The following LOC128462377 variants were observed in gnomAD, a reference collection of about 807,000 sequenced individuals.
At chr16:89,351,135 G>A in the LOC128462377 span, among the ~76,000 whole-genome samples, 2 of 152,220 alleles carry the variant, frequency 1.3e-5, no homozygotes, top group African/African-American at 4.8e-5. Context: ...CACGGGAGTG[G>A]ACGATGGCGG....
At chr16:89,389,138 C>T in the LOC128462377 span, among the ~76,000 whole-genome samples, 1 of 152,182 alleles carries the variant, frequency 6.6e-6, no homozygotes, top group African/African-American at 2.4e-5. Flanking sequence ...CCCACCTCAG[C>T]CTTCTGAGTG....
chr16:89,342,971 C>T, the LOC128462377 span, among the ~76,000 whole-genome samples: 1 of 152,194 alleles, frequency 6.6e-6, no homozygotes, highest in Non-Finnish European at 1.5e-5. Context: ...ATTTGGGATG[C>T]ACAAACCAAT....
At chr16:89,410,878 G>A in the LOC128462377 span, among the ~76,000 whole-genome samples, 2 of 152,066 alleles carry the variant, frequency 1.3e-5, no homozygotes, top group African/African-American at 2.4e-5. Flanking sequence ...ACATGTGCGT[G>A]AACACGTGTT....
the LOC128462377 span, among the ~76,000 whole-genome samples, chr16:89,333,572 GCA>G: frequency 6.6e-6 from 1 of 152,202 alleles, no homozygotes; most frequent in Non-Finnish European, 1.5e-5. Flanking sequence ...TGTGCTGTCT[GCA>G]CAGTTTTGCC....
chr16:89,334,142 T>C, the LOC128462377 span, among the ~76,000 whole-genome samples: 1,024 of 19,176 alleles, frequency 0.053, 81 homozygotes, highest in African/African-American at 0.23. Flanking sequence ...AACCCTGTGT[T>C]TTAAAAAAAA....
the LOC128462377 span, among the ~76,000 whole-genome samples, chr16:89,355,967 TTGGGAGGCTGAGG>T: frequency 6.6e-6 from 1 of 151,986 alleles, no homozygotes; most frequent in African/African-American, 2.4e-5. Flanking sequence ...CAGAAATGAG[TTGGGAGGCTGAGG>T]TGGGAGGATC....
chr16:89,332,029 C>T, the LOC128462377 span, among the ~76,000 whole-genome samples: 1 of 152,054 alleles, frequency 6.6e-6, no homozygotes, highest in Admixed American at 6.5e-5. Flanking sequence ...GCTGATGCCT[C>T]TAATCCCAGA....
the LOC128462377 span, among the ~76,000 whole-genome samples, chr16:89,368,764 G>C: frequency 2.6e-5 from 4 of 152,050 alleles, no homozygotes; most frequent in African/African-American, 9.7e-5. Flanking sequence ...AAATTAGTCA[G>C]GTGTGGTGGT....
chr16:89,409,408 C>T, the LOC128462377 span, among the ~76,000 whole-genome samples: 12 of 152,338 alleles, frequency 7.9e-5, no homozygotes, highest in South Asian at 2.1e-4. Flanking sequence ...ATTCTTCCTC[C>T]GTGGGTTGCA....
At chr16:89,321,400 G>A in the LOC128462377 span, among the ~76,000 whole-genome samples, 1 of 146,152 alleles carries the variant, frequency 6.8e-6, no homozygotes, top group African/African-American at 2.5e-5. Flanking sequence ...TGCAGGGCGG[G>A]ACTGTGGGGA....
At chr16:89,411,974 G>C in the LOC128462377 span, among the ~76,000 whole-genome samples, 363 of 108,782 alleles carry the variant, frequency 3.3e-3, no homozygotes, top group East Asian at 0.02. Context: ...CCTCAGCCAG[G>C]TACTGGGCTG....
the LOC128462377 span, among the ~76,000 whole-genome samples, chr16:89,385,139 G>C: frequency 1.3e-5 from 2 of 151,742 alleles, no homozygotes; most frequent in African/African-American, 4.8e-5. Context: ...ACCTCCCAAA[G>C]TGCTGGGATT....
the LOC128462377 span, chr16:89,339,853 G>A: frequency 1.2e-4 from 18 of 152,108 alleles, no homozygotes; most frequent in Non-Finnish European, 2.5e-4. Flanking sequence ...CATTCCTCTC[G>A]GCGCTTTGAT....
the LOC128462377 span, among the ~76,000 whole-genome samples, chr16:89,405,266 G>A: frequency 5.3e-5 from 8 of 152,272 alleles, no homozygotes; most frequent in South Asian, 6.2e-4. Flanking sequence ...ACAAAATGCC[G>A]TTACGTGGGG....
the LOC128462377 span, among the ~76,000 whole-genome samples, chr16:89,382,855 TTTGAGACAGAGTTTCACTCTTG>T: frequency 6.6e-6 from 1 of 152,086 alleles, no homozygotes; most frequent in Non-Finnish European, 1.5e-5. Flanking sequence ...TTGCCCATTT[TTTGAGACAGAGTTTCACTCTTG>T]TTGCCCAGGC....
the LOC128462377 span, among the ~76,000 whole-genome samples, chr16:89,416,659 G>C: frequency 6.6e-6 from 1 of 151,556 alleles, no homozygotes; most frequent in Non-Finnish European, 1.5e-5. Flanking sequence ...GCCAGGTGTG[G>C]TGGCTCACAC....
chr16:89,379,817 G>A, the LOC128462377 span, among the ~76,000 whole-genome samples: 4 of 152,218 alleles, frequency 2.6e-5, no homozygotes, highest in Non-Finnish European at 5.9e-5. Flanking sequence ...ATTCTGTTCA[G>A]CAAGAAGAGT....
At chr16:89,346,250 GAAAAAAA>G in the LOC128462377 span, among the ~76,000 whole-genome samples, 12 of 96,870 alleles carry the variant, frequency 1.2e-4, no homozygotes, top group East Asian at 7.7e-4. Context: ...CCCGTCTCAG[GAAAAAAA>G]AAAAAAAAAA....
chr16:89,343,329 A>C, the LOC128462377 span, among the ~76,000 whole-genome samples: 1 of 152,232 alleles, frequency 6.6e-6, no homozygotes, highest in Non-Finnish European at 1.5e-5. Flanking sequence ...CTGTGTTCCC[A>C]AAAACAGAAA....
Sources: gnomAD v4.1 joint callset for allele counts (sites outside exome capture counted in the v4.1 genomes callset) on GRCh38, gnomAD v4.1.1 for gene constraint, MANE v1.5 for transcripts.